The following PHF13 variants were observed in gnomAD, a reference collection of about 807,000 sequenced individuals.
PHF13 encodes PHD zinc finger protein PHF5.
PHF13 carries 1 observed loss-of-function variant against 25.8 expected under a neutral mutation model. That is an observed-to-expected ratio of 0.04 (90% CI 0.01 to 0.18). The LOEUF (loss-of-function observed/expected upper bound fraction) is 0.18. Among genes scored for constraint, PHF13 ranks in the 10% least tolerant of loss-of-function variants. The pLI is 1.00. For synonymous variants in PHF13, 195 were observed against 162.4 expected (o/e 1.20, Z -1.53); for missense variants, 306 against 403.2 (o/e 0.76, Z 2.06).
In PHF13 at chr1:6,621,032, GA is replaced by G. The variant is rs34391010; in HGVS notation, c.677-365del. Among the ~76,000 whole-genome samples the G allele has an allele frequency of 3.6e-4, 49 of 136,492 alleles. No individual in the cohort carries two copies. The highest frequency in any genetic ancestry group is 8.3e-4 in the African/African-American group (30 of 36,290). 89.5% of individuals were successfully genotyped at this position (136,492 alleles called of 152,430 possible). A position where few individuals can be genotyped will look rare whatever the true frequency, so the allele number is the denominator to read the frequency against. ...GGGCGACAGCAAAACTCCGTCTCAA[GA>G]AAAAAAAAAAAAACAATAGTCGAGT... On this transcript the variant is annotated intron_variant, in intron 3 of 3. Coordinates refer to ENST00000377648, the MANE Select transcript of PHF13 (RefSeq NM_153812.3). The surrounding 1 kb of genome is among the most constrained non-coding windows in gnomAD (Gnocchi z 4.8).
rs766321252 is a variant in PHF13 at position 6,623,733 on chromosome 1, G to C, written c.*2096G>C. 1.3e-5 allele frequency: 2 copies of C among 152,584 alleles called. No individual in the cohort carries two copies. The highest frequency in any genetic ancestry group is 2.9e-5 in the Non-Finnish European group (2 of 68,042). 9.5% of individuals were successfully genotyped at this position (152,584 alleles called of 1,614,324 possible). A position where few individuals can be genotyped will look rare whatever the true frequency, so the allele number is the denominator to read the frequency against. On this transcript the variant is annotated 3_prime_UTR_variant, in exon 4 of 4. Transcript: ENST00000377648. ...GTCGGACACCTTGGTTTTTGTGTTAGATTGAGCTGGGCAGCTGCAATCAGC... is the reference window on the plus strand; with the variant it reads ...GTCGGACACCTTGGTTTTTGTGTTACATTGAGCTGGGCAGCTGCAATCAGC...
chr1:6,614,349 G>A, intron 1 of PHF13: 1 of 496,190 alleles, frequency 2.0e-6, no homozygotes, highest in Non-Finnish European at 3.5e-6. Flanking sequence ...CTTTCCCCAG[G>A]GCCGTTGCGC....
At chr1:6,616,484 G>A (rs1174303313) in intron 1 of PHF13, among the ~76,000 whole-genome samples, 1 of 152,220 alleles carries the variant, frequency 6.6e-6, no homozygotes, top group African/African-American at 2.4e-5. Context: ...AATGCCACAT[G>A]AGCACTAAGA....
Position 6,615,051 on chromosome 1 carries a change from G to C in PHF13, c.39+946G>C, listed in dbSNP as rs551715152. 8.2e-3 allele frequency among the ~76,000 whole-genome samples: 1,243 copies of C among 151,400 alleles called. 10 individuals are homozygous for C. Among genetic ancestry groups the C allele is most frequent in the African/African-American group, 0.028 (1,157 of 41,462 alleles). On this transcript the variant is annotated intron_variant, in intron 1 of 3. Coordinates refer to ENST00000377648, the MANE Select transcript of PHF13 (RefSeq NM_153812.3). ...CGCGGGATGGGCCCCGCACCTTCGG[G>C]GGCCGAGTGTCGCGGGGGGCGGCTG...
At chr1:6,620,874 AAG>A (rs1206063619) in intron 3 of PHF13, among the ~76,000 whole-genome samples, 18 of 151,972 alleles carry the variant, frequency 1.2e-4, no homozygotes, top group South Asian at 4.2e-4. Flanking sequence ...AAAAAAAAAA[AAG>A]AAAAAATTAG....
chr1:6,623,066 G>C lies in PHF13; in HGVS notation c.*1429G>C, dbSNP rs916842862. 2 of 152,256 alleles carry C rather than the reference G, an allele frequency of 1.3e-5. No homozygotes were observed. The highest frequency in any genetic ancestry group is 4.8e-5 in the African/African-American group (2 of 41,462). 9.4% of individuals were successfully genotyped at this position (152,256 alleles called of 1,614,324 possible). A position where few individuals can be genotyped will look rare whatever the true frequency, so the allele number is the denominator to read the frequency against. The stretch of plus-strand genomic sequence containing the variant: ...AAGAATGCTCAAGCAAGTCATGTTT[G>C]TTTTCAGTGGGATGGGCCCGCGTTC... On this transcript the variant is annotated 3_prime_UTR_variant, in exon 4 of 4. Transcript: ENST00000377648.
intron 1 of PHF13, chr1:6,614,414 T>G: frequency 3.3e-6 from 1 of 304,500 alleles, no homozygotes; most frequent in Non-Finnish European, 6.1e-6. Flanking sequence ...CTGGGACCTG[T>G]CGGCGCCCCC....
intron 1 of PHF13, among the ~76,000 whole-genome samples, chr1:6,616,034 T>TC: frequency 6.8e-6 from 1 of 146,176 alleles, no homozygotes; most frequent in East Asian, 2.0e-4. Context: ...GATTTTTTTT[T>TC]TTTTTTTTTT....
chr1:6,621,688 CT>C lies in PHF13; in HGVS notation c.*57del, dbSNP rs1262920004. ...GCGTGGAATCGGAAGCGACCGCGGGCTTTTTTGCCCTTCTCTTAGTTGAGCA... is the reference window on the plus strand; with the variant it reads ...GCGTGGAATCGGAAGCGACCGCGGGCTTTTTGCCCTTCTCTTAGTTGAGCA... On this transcript the variant is annotated 3_prime_UTR_variant, in exon 4 of 4. Transcript: ENST00000377648. The surrounding 1 kb of genome is among the most constrained non-coding windows in gnomAD (Gnocchi z 4.8). 3.8e-6 allele frequency: 6 copies of C among 1,559,720 alleles called. No homozygotes were observed. Among genetic ancestry groups the C allele is most frequent in the East Asian group, 2.3e-5 (1 of 44,444 alleles).
At chr1:6,614,616 G>C in intron 1 of PHF13, 1 of 146,778 alleles carries the variant, frequency 6.8e-6, no homozygotes, top group East Asian at 2.1e-4. Flanking sequence ...CTGACTCCGC[G>C]CGGGGCCCAG....
At chr1:6,614,178 C>T in intron 1 of PHF13, 73 bp downstream of exon 1, 1 of 1,458,648 alleles carries the variant, frequency 6.9e-7, no homozygotes, top group South Asian at 1.2e-5. Context: ...GGCAGCCAGA[C>T]CCCCGGTCGC....
rs534670201 is a variant in PHF13, at chr1:6,623,749, T to G, written c.*2112T>G. The stretch of plus-strand genomic sequence containing the variant: ...TTTGTGTTAGATTGAGCTGGGCAGC[T>G]GCAATCAGCTTCTTTATATGCAAAT... On this transcript the variant is annotated 3_prime_UTR_variant, in exon 4 of 4. Coordinates refer to ENST00000377648, the MANE Select transcript of PHF13 (RefSeq NM_153812.3). The G allele has an allele frequency of 1.3e-5, 2 of 152,800 alleles. No individual in the cohort carries two copies. Among genetic ancestry groups the G allele is most frequent in the South Asian group, 2.1e-4 (1 of 4,832 alleles). The allele number at this position is 152,800 out of a possible 1,614,324, so 9.5% of individuals were successfully genotyped here. A position where few individuals can be genotyped will look rare whatever the true frequency, so the allele number is the denominator to read the frequency against.
chr1:6,613,749 C>A lies in PHF13; in HGVS notation c.-318C>A, dbSNP rs1454774464. 149 of 206,826 alleles carry A rather than the reference C, an allele frequency of 7.2e-4. 1 individual carries two copies. The highest frequency in any genetic ancestry group is 1.2e-3 in the Admixed American group (19 of 15,594). The allele number at this position is 206,826 out of a possible 1,614,324, so 12.8% of individuals were successfully genotyped here. On this transcript the variant is annotated 5_prime_UTR_variant, in exon 1 of 4. Coordinates refer to ENST00000377648, the MANE Select transcript of PHF13 (RefSeq NM_153812.3). The stretch of plus-strand genomic sequence containing the variant: ...CTCTCCCGCCCTCCCTCCCGAGACA[C>A]GAGCCGAACTGGGCGTCAGGTCGGG...
At position 6,621,679 on chromosome 1, in the gene PHF13, G is replaced by A. The variant is rs200650708; in HGVS notation, c.*42G>A. The A allele has an allele frequency of 3.3e-5, 53 of 1,595,826 alleles. No homozygotes were observed. The highest frequency in any genetic ancestry group is 1.7e-4 in the Middle Eastern group (1 of 5,978). Reference sequence around the variant, plus strand: ...AGGCTGCGAGCGTGGAATCGGAAGCGACCGCGGGCTTTTTTGCCCTTCTCT... The same window carrying A: ...AGGCTGCGAGCGTGGAATCGGAAGCAACCGCGGGCTTTTTTGCCCTTCTCT... On this transcript the variant is annotated 3_prime_UTR_variant, in exon 4 of 4. Transcript: ENST00000377648. This position sits in a 1 kb window ranked among gnomAD's most constrained non-coding sequence, Gnocchi z 4.8.
intron 1 of PHF13, chr1:6,614,715 C>A (rs1486066421): frequency 2.0e-5 from 3 of 150,516 alleles, no homozygotes; most frequent in Admixed American, 6.6e-5. Flanking sequence ...CCACCCACCG[C>A]CCCCCGGCGC....
In PHF13 at chr1:6,614,013, T is replaced by C; in HGVS notation, c.-54T>C. 2.1e-6 allele frequency: 3 copies of C among 1,423,536 alleles called. No individual in the cohort carries two copies. The highest frequency in any genetic ancestry group is 2.9e-6 in the Non-Finnish European group (3 of 1,047,924). 88.2% of individuals were successfully genotyped at this position (1,423,536 alleles called of 1,614,324 possible). On this transcript the variant is annotated 5_prime_UTR_variant, in exon 1 of 4. Coordinates refer to ENST00000377648, the MANE Select transcript of PHF13 (RefSeq NM_153812.3). ...AGCCCCCAGCCCCGGGCGGCCCCGC[T>C]CCAGCATCCCAGCTCCTGCACTCTC...
rs1641331960 is a variant in PHF13 at position 6,621,070 on chromosome 1, T to C, written c.677-341T>C. ...AACAATAGTCGAGTGTGGTGGTGTG[T>C]GCCTGTAGTCCCAGCTATTTGGGAG... On this transcript the variant is annotated intron_variant, in intron 3 of 3. Transcript: ENST00000377648. The surrounding 1 kb of genome is among the most constrained non-coding windows in gnomAD (Gnocchi z 4.8). 6.7e-6 allele frequency among the ~76,000 whole-genome samples: 1 copy of C among 149,080 alleles called. No individual in the cohort carries two copies. Among genetic ancestry groups the C allele is most frequent in the Non-Finnish European group, 1.5e-5 (1 of 67,494 alleles).
At position 6,620,072 on chromosome 1, in the gene PHF13, G is replaced by T. The variant is rs1244181976; in HGVS notation, c.411G>T (p.Gly137=). The T allele has an allele frequency of 6.2e-7, 1 of 1,613,364 alleles. No homozygotes were observed. The highest frequency in any genetic ancestry group is 8.5e-7 in the Non-Finnish European group (1 of 1,180,016). Residue 137 remains glycine (G), a synonymous_variant, in exon 3 of 4, where the codon GGG becomes GGT. Coordinates refer to ENST00000377648, the MANE Select transcript of PHF13 (RefSeq NM_153812.3). ...CGCCTGGGAAAGAGGGGTACAGGGG[G>T]GGCTTGCTGAAGCTGGAAGCCGCTG... ...SDAPGKEGYR[G]GLLKLEAADP...
Position 6,613,755 on chromosome 1 carries a change from G to A in PHF13, c.-312G>A. On this transcript the variant is annotated 5_prime_UTR_variant, in exon 1 of 4. Coordinates refer to ENST00000377648, the MANE Select transcript of PHF13 (RefSeq NM_153812.3). ...CGCCCTCCCTCCCGAGACACGAGCC[G>A]AACTGGGCGTCAGGTCGGGGAGCCG... is the stretch of plus-strand genomic sequence containing the variant. 1 of 169,522 alleles carries A rather than the reference G, an allele frequency of 5.9e-6. No individual in the cohort carries two copies. Among genetic ancestry groups the A allele is most frequent in the Non-Finnish European group, 1.2e-5 (1 of 83,166 alleles). 10.5% of individuals were successfully genotyped at this position (169,522 alleles called of 1,614,324 possible).
Sources: allele counts gnomAD v4.1 joint callset (sites outside exome capture counted in the v4.1 genomes callset), GRCh38; gene constraint gnomAD v4.1.1; non-coding constraint Gnocchi (gnomAD v3.1); transcripts MANE v1.5; gene names NCBI Gene and HGNC (gene_info 2026-07-23, HGNC 2026-07-21).